NBAS: variants seen among roughly 807,000 people sequenced by gnomAD.
NBAS encodes the protein NBAS subunit of NRZ tethering complex, also known as NAG/BC035112 fusion.
A neutral mutation model predicts 302.5 loss-of-function variants in NBAS; 219 were observed. The ratio of observed to expected loss-of-function variants is 0.72; its 90% CI spans 0.65 to 0.81. The LOEUF (loss-of-function observed/expected upper bound fraction) is 0.81. Ranked by LOEUF, NBAS falls within the 30% of genes least tolerant of loss-of-function variation. NBAS has a pLI of 0.00. For synonymous variants in NBAS, 1,118 were observed against 1,021.6 expected (o/e 1.09, Z -1.80); for missense variants, 2,932 against 2,841.6 (o/e 1.03, Z -0.72).
At chr2:15,016,162 T>G in the NBAS span, among the ~76,000 whole-genome samples, 1 of 152,126 alleles carries the variant, frequency 6.6e-6, no homozygotes, top group Admixed American at 6.6e-5. Context: ...TGGGGAGGCC[T>G]CATAATCATG....
intron 25 of NBAS, among the ~76,000 whole-genome samples, chr2:15,407,285 A>C (rs1676462797): frequency 6.6e-6 from 1 of 152,214 alleles, no homozygotes; most frequent in African/African-American, 2.4e-5. Context: ...GAGAAAGTGC[A>C]CAGAAAATTG....
the NBAS span, among the ~76,000 whole-genome samples, chr2:15,020,133 C>T: frequency 2.0e-5 from 3 of 152,276 alleles, no homozygotes; most frequent in Admixed American, 2.0e-4. Flanking sequence ...TTCACTGTAT[C>T]ATGCTTTTGG....
the NBAS span, among the ~76,000 whole-genome samples, chr2:15,080,250 A>G: frequency 6.6e-6 from 1 of 152,200 alleles, no homozygotes; most frequent in African/African-American, 2.4e-5. Context: ...ATGATGGTCA[A>G]TTGTGCCCCT....
At chr2:14,819,634 G>A in the NBAS span, among the ~76,000 whole-genome samples, 1 of 152,210 alleles carries the variant, frequency 6.6e-6, no homozygotes, top group Admixed American at 6.5e-5. Flanking sequence ...TTTCCAGCTA[G>A]TGTCTGAATA....
intron 50 of NBAS, among the ~76,000 whole-genome samples, chr2:15,183,530 A>G (rs1664927880): frequency 6.6e-6 from 1 of 152,240 alleles, no homozygotes; most frequent in African/African-American, 2.4e-5. Flanking sequence ...ATGAAGCAGT[A>G]CACATACAGC....
At chr2:15,103,113 A>G in the NBAS span, among the ~76,000 whole-genome samples, 3 of 152,066 alleles carry the variant, frequency 2.0e-5, no homozygotes, top group Admixed American at 6.6e-5. Context: ...GAAAATCACC[A>G]TGTTTTTGAG....
intron 8 of NBAS, among the ~76,000 whole-genome samples, chr2:15,535,408 G>C (rs181091809): frequency 2.4e-3 from 362 of 152,100 alleles, no homozygotes; most frequent in Non-Finnish European, 4.6e-3. Context: ...TGCAGTCTCA[G>C]CTACTTGAGA....
At chr2:15,051,677 G>A in the NBAS span, among the ~76,000 whole-genome samples, 7 of 152,144 alleles carry the variant, frequency 4.6e-5, no homozygotes, top group Non-Finnish European at 1.0e-4. Flanking sequence ...CCATAATTAG[G>A]TTAATGGCTT....
chr2:15,139,291 A>AC, the NBAS span, among the ~76,000 whole-genome samples: 2 of 152,356 alleles, frequency 1.3e-5, no homozygotes, highest in East Asian at 3.9e-4. Flanking sequence ...TGCCTTCAGT[A>AC]CTTAGAGAAA....
chr2:15,166,356 T>C (rs1196123350), downstream of NBAS, among the ~76,000 whole-genome samples: 1 of 152,200 alleles, frequency 6.6e-6, no homozygotes, highest in Non-Finnish European at 1.5e-5. Flanking sequence ...TCGATGCTGA[T>C]AAATTTTGAA....
chr2:14,908,420 G>A, the NBAS span, among the ~76,000 whole-genome samples: 2 of 152,290 alleles, frequency 1.3e-5, no homozygotes, highest in African/African-American at 2.4e-5. Flanking sequence ...TGAAAGTACA[G>A]AAAAGCATCC....
At position 15,473,301 on chromosome 2, in the gene NBAS, T is replaced by C. The variant is rs767566014; in HGVS notation, c.1646A>G (p.Tyr549Cys). The change falls in exon 16 of 52, where the codon TAC (tyrosine) becomes TGC (cysteine). Residue 549 changes from tyrosine to cysteine, a missense_variant. By Grantham distance (194) the Tyr-to-Cys change is radical. Transcript: ENST00000281513. The stretch of plus-strand genomic sequence containing the variant: ...ATATACAAGGTCAGTATCCAGGCCG[T>C]AGGTATGAGCCAAGGACAAGGCTTC... ...YEEALSLAHT[Y>C]GLDTDLVYQR... 8.1e-6 allele frequency: 13 copies of C among 1,613,988 alleles called. No homozygotes were observed. The highest frequency in any genetic ancestry group is 3.3e-5 in the South Asian group (3 of 91,084).
At chr2:14,936,689 T>C in the NBAS span, among the ~76,000 whole-genome samples, 10 of 152,236 alleles carry the variant, frequency 6.6e-5, no homozygotes, top group Non-Finnish European at 1.3e-4. Flanking sequence ...TCTGGGGAGA[T>C]TCGAGGTGGT....
chr2:14,946,921 C>G, the NBAS span, among the ~76,000 whole-genome samples: 1 of 152,088 alleles, frequency 6.6e-6, no homozygotes, highest in African/African-American at 2.4e-5. Flanking sequence ...CCAGACCTAC[C>G]AATGAGTCAA....
chr2:15,550,847 A>G (rs1024413486), intron 6 of NBAS, among the ~76,000 whole-genome samples: 1 of 152,136 alleles, frequency 6.6e-6, no homozygotes, highest in African/African-American at 2.4e-5. Context: ...TCGGCCTCCC[A>G]AAGTGCTGGG....
intron 11 of NBAS, among the ~76,000 whole-genome samples, chr2:15,494,683 G>A (rs915037592): frequency 6.6e-6 from 1 of 152,096 alleles, no homozygotes; most frequent in African/African-American, 2.4e-5. Context: ...TAGAATACAA[G>A]AGCTGAAATA....
intron 6 of NBAS, among the ~76,000 whole-genome samples, chr2:15,543,806 G>T (rs6431711): frequency 0.64 from 97,001 of 152,096 alleles, 31,653 homozygotes; most frequent in Non-Finnish European, 0.68. Flanking sequence ...ATGAGATTTG[G>T]GTGGGGACAC....
At chr2:15,146,886 G>C in the NBAS span, among the ~76,000 whole-genome samples, 1 of 152,098 alleles carries the variant, frequency 6.6e-6, no homozygotes, top group South Asian at 2.1e-4. Context: ...ATGGGCAGGG[G>C]ACATGACTCT....
intron 15 of NBAS, 86 bp downstream of exon 15, chr2:15,473,981 T>A (rs1289290833): frequency 4.6e-6 from 7 of 1,531,920 alleles, no homozygotes; most frequent in Non-Finnish European, 5.4e-6. Flanking sequence ...CTTGAAATTT[T>A]CTCCTTTATT....
Sources: gnomAD v4.1 joint callset for allele counts (sites outside exome capture counted in the v4.1 genomes callset) on GRCh38, gnomAD v4.1.1 for gene constraint, MANE v1.5 for transcripts, NCBI Gene and HGNC (gene_info 2026-07-23, HGNC 2026-07-21) for gene names.